RBFOX1: variants seen among roughly 807,000 people sequenced by gnomAD.
The protein encoded by RBFOX1 is RNA binding protein fox-1 homolog 1.
A neutral mutation model predicts 57.7 loss-of-function variants in RBFOX1; 8 were observed. The observed-to-expected ratio is 0.14, with a 90% CI of 0.08 to 0.25. The LOEUF (loss-of-function observed/expected upper bound fraction) is 0.25. Among genes scored for constraint, RBFOX1 ranks in the 10% least tolerant of loss-of-function variants. RBFOX1 has a pLI of 1.00. For missense variants in RBFOX1, 611 were observed against 548.5 expected (o/e 1.11, Z -1.14); for synonymous variants, 326 against 222.4 (o/e 1.47, Z -4.15).
chr16:7,556,127 G>T lies in RBFOX1; in HGVS notation c.271-23650G>T, dbSNP rs373975462. Among the ~76,000 whole-genome samples the T allele has an allele frequency of 9.2e-5, 14 of 152,272 alleles. No homozygotes were observed. The South Asian group carries it at 2.9e-3, about 32-fold the overall frequency. On this transcript the variant is annotated intron_variant, in intron 5 of 15. Transcript: ENST00000550418. ...TGTGGTAAACACTCTAAATTTTCTAGATCTTGTGGCATCTTCATGATAGCT... is the reference window on the plus strand; with the variant it reads ...TGTGGTAAACACTCTAAATTTTCTATATCTTGTGGCATCTTCATGATAGCT...
At chr16:7,140,043 A>G (rs77080659) in intron 4 of RBFOX1, among the ~76,000 whole-genome samples, 1,594 of 152,074 alleles carry the variant, frequency 0.01, 22 homozygotes, top group African/African-American at 0.036. Context: ...GCATTAGGGG[A>G]TTAGGAATAT....
At chr16:7,164,540 G>C (rs1371905309) in intron 4 of RBFOX1, among the ~76,000 whole-genome samples, 2 of 152,142 alleles carry the variant, frequency 1.3e-5, no homozygotes, top group Non-Finnish European at 2.9e-5. Flanking sequence ...AACCAGAAAA[G>C]AGTAAAATTT....
chr16:7,020,897 C>G (rs760599342), intron 3 of RBFOX1, among the ~76,000 whole-genome samples: 3 of 152,182 alleles, frequency 2.0e-5, no homozygotes, highest in Non-Finnish European at 4.4e-5. Flanking sequence ...GATGCTAAGA[C>G]AGGCAAATCG....
chr16:7,346,300 A>G (rs1200436987), intron 4 of RBFOX1, among the ~76,000 whole-genome samples: 1 of 151,670 alleles, frequency 6.6e-6, no homozygotes, highest in East Asian at 2.0e-4. Context: ...ATGTGTCAGC[A>G]ACGAGACGTC....
intron 3 of RBFOX1, among the ~76,000 whole-genome samples, chr16:7,015,220 G>A (rs1597060848): frequency 6.6e-6 from 1 of 152,124 alleles, no homozygotes; most frequent in African/African-American, 2.4e-5. Context: ...GCATTGTGAA[G>A]GCATTAGTAT....
intron 2 of RBFOX1, among the ~76,000 whole-genome samples, chr16:5,526,299 T>C (rs1208828926): frequency 4.1e-5 from 2 of 49,154 alleles, no homozygotes; most frequent in Non-Finnish European, 9.3e-5. Context: ...TTATTATTAT[T>C]GTTATTTGAA....
chr16:7,337,278 C>T (rs2096806866), intron 4 of RBFOX1, among the ~76,000 whole-genome samples: 1 of 152,068 alleles, frequency 6.6e-6, no homozygotes, highest in South Asian at 2.1e-4. Flanking sequence ...CTTATGAAAA[C>T]ACAGGAAAGG....
intron 3 of RBFOX1, among the ~76,000 whole-genome samples, chr16:6,789,156 G>A (rs1471961693): frequency 6.6e-6 from 1 of 152,094 alleles, no homozygotes; most frequent in African/African-American, 2.4e-5. Context: ...CACTGCTTGT[G>A]GGTAGAGTGT....
chr16:5,346,936 T>C (rs961327581), intron 1 of RBFOX1, among the ~76,000 whole-genome samples: 2 of 152,168 alleles, frequency 1.3e-5, no homozygotes, highest in African/African-American at 4.8e-5. Flanking sequence ...TTGTGGTAAG[T>C]GCCCTGTAAT....
chr16:5,876,298 C>A (rs2057608875), intron 4 of RBFOX1, among the ~76,000 whole-genome samples: 1 of 121,306 alleles, frequency 8.2e-6, no homozygotes, highest in Admixed American at 7.3e-5. Context: ...TTCATCCTCA[C>A]AATATAACCC....
intron 5 of RBFOX1, among the ~76,000 whole-genome samples, chr16:7,532,293 T>G (rs907704438): frequency 6.6e-6 from 1 of 152,122 alleles, no homozygotes; most frequent in Non-Finnish European, 1.5e-5. Context: ...GACATTCATC[T>G]GGTGGCTCCA....
At chr16:5,715,868 TC>T (rs973920019) in intron 3 of RBFOX1, among the ~76,000 whole-genome samples, 1 of 152,156 alleles carries the variant, frequency 6.6e-6, no homozygotes, top group Non-Finnish European at 1.5e-5. Flanking sequence ...GACTCCCTGC[TC>T]CCTTAACAAA....
At chr16:6,971,709 T>C (rs1416081476) in intron 3 of RBFOX1, among the ~76,000 whole-genome samples, 2 of 152,100 alleles carry the variant, frequency 1.3e-5, no homozygotes, top group African/African-American at 2.4e-5. Flanking sequence ...AGGGTGTTGT[T>C]AGCAGACCTG....
At chr16:5,477,324 G>A (rs746846261) in intron 2 of RBFOX1, among the ~76,000 whole-genome samples, 7 of 152,158 alleles carry the variant, frequency 4.6e-5, no homozygotes, top group Non-Finnish European at 7.3e-5. Context: ...GCGCTGCTAC[G>A]TTGGCAGATG....
At chr16:6,388,921 G>A (rs952815161) in intron 2 of RBFOX1, among the ~76,000 whole-genome samples, 1 of 152,196 alleles carries the variant, frequency 6.6e-6, no homozygotes, top group Non-Finnish European at 1.5e-5. Flanking sequence ...GTTTCCAGGG[G>A]CTGACAGGTG....
intron 1 of RBFOX1, among the ~76,000 whole-genome samples, chr16:6,274,522 T>C (rs1445700776): frequency 6.6e-6 from 1 of 151,942 alleles, no homozygotes; most frequent in South Asian, 2.1e-4. Flanking sequence ...TTGCCAGGGG[T>C]TGAGAGGAGA....
At chr16:6,975,334 C>T (rs1344520184) in intron 3 of RBFOX1, among the ~76,000 whole-genome samples, 2 of 152,036 alleles carry the variant, frequency 1.3e-5, no homozygotes, top group African/African-American at 2.4e-5. Context: ...GGCACAATAT[C>T]AGCTCACTGC....
intron 1 of RBFOX1, among the ~76,000 whole-genome samples, chr16:5,447,646 T>C (rs1211862839): frequency 6.6e-6 from 1 of 152,258 alleles, no homozygotes; most frequent in Non-Finnish European, 1.5e-5. Context: ...TCTGCCCGCC[T>C]CAGCCTCCCA....
intron 2 of RBFOX1, among the ~76,000 whole-genome samples, chr16:6,477,316 T>C (rs568399910): frequency 6.6e-6 from 1 of 152,314 alleles, no homozygotes; most frequent in African/African-American, 2.4e-5. Context: ...GAGATATATT[T>C]CCTAAATAAT....
Sources: gnomAD v4.1 joint callset for allele counts (sites outside exome capture counted in the v4.1 genomes callset) on GRCh38, gnomAD v4.1.1 for gene constraint, MANE v1.5 for transcripts, NCBI Gene and HGNC (gene_info 2026-07-23, HGNC 2026-07-21) for gene names.